Variants in SIN3A observed in about 807,000 individuals in gnomAD.
The protein encoded by SIN3A is paired amphipathic helix protein Sin3a.
Under a neutral mutation model 146.1 loss-of-function variants are expected in SIN3A, and 14 were observed. The observed-to-expected ratio is 0.10, with a 90% CI of 0.06 to 0.15. The LOEUF is 0.15. SIN3A is among the 10% of genes least tolerant of loss of function. SIN3A has a pLI of 1.00. For missense variants in SIN3A, 1,028 were observed against 1,576.0 expected (o/e 0.65, Z 5.89); for synonymous variants, 572 against 572.0 (o/e 1.00, Z 0.00).
intron 3 of SIN3A, among the ~76,000 whole-genome samples, chr15:75,416,418 G>A (rs1351403781): frequency 6.6e-6 from 1 of 152,114 alleles, no homozygotes; most frequent in Non-Finnish European, 1.5e-5. Context: ...CTCTGCCTCC[G>A]GGGTTCAAGC....
intron 1 of SIN3A, among the ~76,000 whole-genome samples, chr15:75,437,618 C>T (rs1397637157): frequency 6.6e-6 from 1 of 152,120 alleles, no homozygotes; most frequent in African/African-American, 2.4e-5. Context: ...TAAAACCACG[C>T]TTGCAGAGGG....
chr15:75,400,129 G>A lies in SIN3A; in HGVS notation c.1765C>T (p.Pro589Ser). ...AAGGTAGAGTCCTCAGACCACGAAGGGAAGGAAACCCAGGTATCATTTAAA... is the reference window on the plus strand; with the variant it reads ...AAGGTAGAGTCCTCAGACCACGAAGAGAAGGAAACCCAGGTATCATTTAAA... ...EVLNDTWVSFPSWSEDSTFVS... is the reference protein window; with the variant it reads ...EVLNDTWVSFSSWSEDSTFVS... Residue 589 changes from proline (P) to serine (S), a missense_variant, in exon 12 of 21, where the codon CCT becomes TCT. Pro to Ser is a moderately conservative substitution (Grantham distance 74, BLOSUM62 -1). This residue lies in a region of SIN3A where 157 missense variants were observed against 284.8 expected (regional missense o/e 0.55). Coordinates refer to ENST00000394947, the MANE Select transcript of SIN3A (RefSeq NM_001145358.2). 1.2e-6 allele frequency: 2 copies of A among 1,607,822 alleles called. No homozygotes were observed. Among genetic ancestry groups the A allele is most frequent in the Non-Finnish European group, 1.7e-6 (2 of 1,174,440 alleles).
chr15:75,430,578 A>G (rs2073997723), intron 1 of SIN3A, among the ~76,000 whole-genome samples, 170 bp from the exon 2 acceptor site: 1 of 152,224 alleles, frequency 6.6e-6, no homozygotes, highest in Admixed American at 6.5e-5. Flanking sequence ...CCCCCAACAC[A>G]GTGAACAAGT....
intron 12 of SIN3A, among the ~76,000 whole-genome samples, chr15:75,397,643 G>C (rs1434582236): frequency 6.6e-6 from 1 of 152,124 alleles, no homozygotes; most frequent in Non-Finnish European, 1.5e-5. Context: ...TCTGTACTGA[G>C]GCATTACTAA....
chr15:75,375,529 C>T (rs544236595), intron 20 of SIN3A, 136 bp downstream of exon 20: 58 of 683,924 alleles, frequency 8.5e-5, no homozygotes, highest in African/African-American at 8.2e-4. Flanking sequence ...AACCAACATA[C>T]GTACTTCCTC....
chr15:75,415,468 A>T, intron 3 of SIN3A: 1 of 199,376 alleles, frequency 5.0e-6, no homozygotes, highest in Non-Finnish European at 1.1e-5. Flanking sequence ...GGGGATGCTA[A>T]AGGAGATAGA....
chr15:75,423,859 G>A (rs1189519350), intron 2 of SIN3A, among the ~76,000 whole-genome samples: 2 of 151,908 alleles, frequency 1.3e-5, no homozygotes, highest in African/African-American at 4.8e-5. Flanking sequence ...AGCTGGACGT[G>A]GTAACACGCA....
intron 16 of SIN3A, among the ~76,000 whole-genome samples, chr15:75,388,992 C>T (rs1464539192): frequency 6.6e-6 from 1 of 152,102 alleles, no homozygotes; most frequent in Admixed American, 6.5e-5. Flanking sequence ...TTGTAAAGAA[C>T]AACATGTTTA....
At chr15:75,424,927 G>A (rs2073900056) in intron 2 of SIN3A, among the ~76,000 whole-genome samples, 1 of 151,886 alleles carries the variant, frequency 6.6e-6, no homozygotes, top group Non-Finnish European at 1.5e-5. Flanking sequence ...TGATATATAT[G>A]GATATATTTG....
At chr15:75,448,921 TTAATTAC>T (rs1260578893) in intron 1 of SIN3A, among the ~76,000 whole-genome samples, 2 of 152,222 alleles carry the variant, frequency 1.3e-5, no homozygotes, top group Non-Finnish European at 2.9e-5. Context: ...TAAAACCCTC[TTAATTAC>T]GAAGTGCCAA....
intron 6 of SIN3A, 115 bp from the exon 7 acceptor site, chr15:75,410,401 A>G: frequency 1.9e-6 from 2 of 1,053,446 alleles, no homozygotes; most frequent in Non-Finnish European, 2.7e-6. Context: ...AAGAAAGTCT[A>G]TGTTCTTAGC....
At chr15:75,439,208 T>C (rs2074157643) in intron 1 of SIN3A, among the ~76,000 whole-genome samples, 1 of 152,146 alleles carries the variant, frequency 6.6e-6, no homozygotes. Flanking sequence ...ATCTCACAGA[T>C]AGAGTAAAAG....
At chr15:75,442,787 C>T (rs1375797067) in intron 1 of SIN3A, among the ~76,000 whole-genome samples, 1 of 151,804 alleles carries the variant, frequency 6.6e-6, no homozygotes, top group Non-Finnish European at 1.5e-5. Flanking sequence ...AAAAAATTAG[C>T]CAGGCATGGT....
At chr15:75,376,062 A>G (rs2072849462) in intron 19 of SIN3A, 190 bp from the exon 20 acceptor site, 2 of 615,140 alleles carry the variant, frequency 3.3e-6, no homozygotes, top group Non-Finnish European at 5.7e-6. Flanking sequence ...TAAAAAGCAG[A>G]AATCTTCACC....
At chr15:75,411,327 C>G (rs986408883) in intron 6 of SIN3A, among the ~76,000 whole-genome samples, 165 bp downstream of exon 6, 8 of 151,880 alleles carry the variant, frequency 5.3e-5, no homozygotes, top group Non-Finnish European at 1.2e-4. Context: ...GACTCCGTCT[C>G]GAAAAACAAA....
At chr15:75,437,456 T>C (rs2074127270) in intron 1 of SIN3A, among the ~76,000 whole-genome samples, 1 of 152,194 alleles carries the variant, frequency 6.6e-6, no homozygotes, top group African/African-American at 2.4e-5. Flanking sequence ...CATGAGCCAC[T>C]GCGCCCAGCC....
intron 9 of SIN3A, among the ~76,000 whole-genome samples, chr15:75,403,450 A>C (rs1210223877): frequency 6.6e-6 from 1 of 151,852 alleles, no homozygotes; most frequent in Non-Finnish European, 1.5e-5. Flanking sequence ...ATACCATAAT[A>C]ACAATTTAAA....
chr15:75,417,229 T>A (rs1181735391), intron 3 of SIN3A, among the ~76,000 whole-genome samples: 1 of 152,106 alleles, frequency 6.6e-6, no homozygotes, highest in Non-Finnish European at 1.5e-5. Context: ...CCAAAAGAAA[T>A]CCCCACTAGG....
chr15:75,412,842 T>C lies in SIN3A; in HGVS notation c.677A>G (p.His226Arg). 3 of 1,612,262 alleles carry C rather than the reference T, an allele frequency of 1.9e-6. No individual in the cohort carries two copies. The highest frequency in any genetic ancestry group is 2.5e-6 in the Non-Finnish European group (3 of 1,179,066). ...IQPQPQPPPQ[H>R]PSQPSAQSAP... ...TGACTGGGCTGAAGGCTGGGAAGGA[T>C]GTTGGGGTGGTGGTTGAGGCTGTGG... Residue 226 changes from histidine (H) to arginine (R), a missense_variant, in exon 5 of 21, where the codon CAT (histidine) becomes CGT (arginine). Around this residue, in one of 9 missense-constraint regions of SIN3A, gnomAD observed 112 missense variants for 135.7 expected, o/e 0.83. Transcript: ENST00000394947.
Sources: gnomAD v4.1 joint callset for allele counts (sites outside exome capture counted in the v4.1 genomes callset) on GRCh38, gnomAD v4.1.1 for gene constraint, gnomAD v4.1.1 regional missense constraint, MANE v1.5 for transcripts, NCBI Gene and HGNC (gene_info 2026-07-23, HGNC 2026-07-21) for gene names.